LHX9: variants seen among roughly 807,000 people sequenced by gnomAD.
The protein encoded by LHX9 is LIM/homeobox protein Lhx9.
Under a neutral mutation model 36.5 loss-of-function variants are expected in LHX9, and 9 were observed. The ratio of observed to expected loss-of-function variants is 0.25; its 90% confidence interval spans 0.15 to 0.43. The LOEUF (loss-of-function observed/expected upper bound fraction) is 0.43. LHX9 is among the 20% of genes least tolerant of loss of function. The probability of loss-of-function intolerance (pLI) is 1.00; values close to 1 mark genes in which losing one functional copy is unlikely to be tolerated. For missense variants in LHX9, 464 were observed against 526.4 expected (o/e 0.88, Z 1.16); for synonymous variants, 211 against 212.1 (o/e 0.99, Z 0.04).
intron 1 of LHX9, chr1:197,918,626 A>G (rs1439129563): frequency 5.7e-6 from 3 of 527,524 alleles, no homozygotes; most frequent in Non-Finnish European, 1.0e-5. Flanking sequence ...GAAATCAAAT[A>G]AAACATACGG....
chr1:197,917,328 T>G (rs1216381691), upstream of LHX9: 32 of 1,259,078 alleles, frequency 2.5e-5, no homozygotes, highest in Non-Finnish European at 3.3e-5. Context: ...AAAAATGGGC[T>G]GGCTTTAGTC....
In LHX9 at chr1:197,921,746, C is replaced by A; in HGVS notation, c.733+87C>A. 1 of 1,159,728 alleles carries A rather than the reference C, an allele frequency of 8.6e-7. No individual in the cohort carries two copies. Among genetic ancestry groups the A allele is most frequent in the Non-Finnish European group, 1.2e-6 (1 of 840,462 alleles). The allele number at this position is 1,159,728 out of a possible 1,614,324, so 71.8% of individuals were successfully genotyped here. On this transcript the variant is annotated intron_variant, in intron 3 of 4. Transcript: ENST00000367387. This position sits in a 1 kb window ranked among gnomAD's most constrained non-coding sequence, Gnocchi z 4.6. ...TCCTTCCCCGTCCAAAGTCTTGCTG[C>A]AAGAGTGTGTTTTGCCCAATGCCTC...
chr1:197,928,193 C>A (rs1557977093), intron 4 of LHX9, among the ~76,000 whole-genome samples: 1 of 152,216 alleles, frequency 6.6e-6, no homozygotes, highest in Non-Finnish European at 1.5e-5. Context: ...TTGGCAGCCT[C>A]ACTCACCTTC....
At chr1:197,914,446 G>C (rs1463922287), upstream of LHX9, among the ~76,000 whole-genome samples, 2 of 152,132 alleles carry the variant, frequency 1.3e-5, no homozygotes, top group Non-Finnish European at 2.9e-5. Context: ...CCCTCTGCTG[G>C]AGAGGTGAAA....
chr1:197,921,044 T>A lies in LHX9; in HGVS notation c.378-260T>A, dbSNP rs180964231. Among the ~76,000 whole-genome samples the A allele has an allele frequency of 4.6e-5, 7 of 152,290 alleles. No individual in the cohort carries two copies. Among genetic ancestry groups the A allele is most frequent in the East Asian group, 1.9e-4 (1 of 5,180 alleles). On this transcript the variant is annotated intron_variant, in intron 2 of 4. Coordinates refer to ENST00000367387, the MANE Select transcript of LHX9 (RefSeq NM_020204.3). The surrounding 1 kb of genome is among the most constrained non-coding windows in gnomAD (Gnocchi z 4.6). ...GTGGTTTGCTTTTTTAAATTTTTTTTAATGTTTTAAATTTTCACTTTGCAG... is the reference window on the plus strand; with the variant it reads ...GTGGTTTGCTTTTTTAAATTTTTTTAAATGTTTTAAATTTTCACTTTGCAG...
At chr1:197,926,424 C>T (rs1435913636) in intron 3 of LHX9, among the ~76,000 whole-genome samples, 1 of 152,100 alleles carries the variant, frequency 6.6e-6, no homozygotes, top group Non-Finnish European at 1.5e-5. Flanking sequence ...AATTACCATG[C>T]TCTTTAATTT....
rs1659932291 is a variant in LHX9, at chr1:197,920,160, G to A, written c.363G>A (p.Lys121=). 14 of 1,614,220 alleles carry A rather than the reference G, an allele frequency of 8.7e-6. No homozygotes were observed. In the East Asian group the frequency reaches 3.1e-4, roughly 36 times the overall value. ...CCAAGGACGGTAGCATTTACTGCAA[G>A]GAGGATTACTACAGGTACTCCCCTA... ...CFAKDGSIYC[K]EDYYRRFSVQ... is the part of the protein sequence containing the mutation. The change falls in exon 2 of 5, where the codon AAG becomes AAA. Residue 121 remains lysine, a synonymous_variant. Transcript: ENST00000367387.
At position 197,917,821 on chromosome 1, in the gene LHX9, T is replaced by C. The variant is rs769852510; in HGVS notation, c.-3T>C. 1.4e-5 allele frequency: 23 copies of C among 1,613,944 alleles called. No homozygotes were observed. The highest frequency in any genetic ancestry group is 8.0e-5 in the African/African-American group (6 of 74,912). ...ATGAGCTGAAAGCCCCGGGCGTGTG[T>C]ATATGGAAATAGTGGGGTGCCGAGC... On this transcript the variant is annotated 5_prime_UTR_variant, in exon 1 of 5. Transcript: ENST00000367387.
At chr1:197,923,834 C>T (rs994484903) in intron 3 of LHX9, among the ~76,000 whole-genome samples, 2 of 152,082 alleles carry the variant, frequency 1.3e-5, no homozygotes, top group Non-Finnish European at 2.9e-5. Flanking sequence ...CAGATTAATG[C>T]TGCTACAAGT....
intron 1 of LHX9, chr1:197,918,294 G>C: frequency 1.4e-6 from 1 of 717,528 alleles, no homozygotes; most frequent in Non-Finnish European, 2.6e-6. Flanking sequence ...CAGACCTCAA[G>C]GTTCCCTTGA....
chr1:197,933,189 TATG>T lies in LHX9; in HGVS notation c.*3935_*3937del, dbSNP rs954697652. ...ATATACTTTCCAGAAAATTTTTCAT[TATG>T]ATGAAATTTTTATTATATACAAATG... On this transcript the variant is annotated 3_prime_UTR_variant, in exon 5 of 5. Transcript: ENST00000367387. The T allele has an allele frequency of 6.6e-6, 1 of 152,124 alleles. No individual in the cohort carries two copies. The highest frequency in any genetic ancestry group is 2.4e-5 in the African/African-American group (1 of 41,448). The allele number at this position is 152,124 out of a possible 1,614,324, so 9.4% of individuals were successfully genotyped here. A position where few individuals can be genotyped will look rare whatever the true frequency, so the allele number is the denominator to read the frequency against.
At position 197,929,345 on chromosome 1, in the gene LHX9, T is replaced by A. The variant is rs1660259169; in HGVS notation, c.*86T>A. On this transcript the variant is annotated 3_prime_UTR_variant, in exon 5 of 5. Transcript: ENST00000367387. ...ATTATTATTTTATTATTTACAAGAC[T>A]TTTTTTTTCTTCTAACCCACAAGAT... is the stretch of plus-strand genomic sequence containing the variant. 1 of 1,155,544 alleles carries A rather than the reference T, an allele frequency of 8.7e-7. No individual in the cohort carries two copies. The highest frequency in any genetic ancestry group is 1.1e-6 in the Non-Finnish European group (1 of 931,030). 71.6% of individuals were successfully genotyped at this position (1,155,544 alleles called of 1,614,324 possible).
intron 3 of LHX9, among the ~76,000 whole-genome samples, chr1:197,923,756 T>A (rs113221369): frequency 0.017 from 2,517 of 152,290 alleles, 31 homozygotes; most frequent in Middle Eastern, 0.037. Flanking sequence ...TGAAAATAAC[T>A]AGAGAGTACA....
At chr1:197,918,396 C>G (rs1289500799) in intron 1 of LHX9, 12 of 717,082 alleles carry the variant, frequency 1.7e-5, no homozygotes. Context: ...CCGAGGCGTC[C>G]GAGCCAAGCA....
At chr1:197,914,099 G>A (rs984555353), upstream of LHX9, among the ~76,000 whole-genome samples, 2 of 152,118 alleles carry the variant, frequency 1.3e-5, no homozygotes, top group Non-Finnish European at 2.9e-5. Context: ...ACTATAGTCC[G>A]GCCGTCCACT....
Position 197,917,577 on chromosome 1 carries a change from G to C in LHX9, c.-247G>C. The C allele has an allele frequency of 1.3e-6, 2 of 1,491,360 alleles. No homozygotes were observed. The highest frequency in any genetic ancestry group is 1.8e-6 in the Non-Finnish European group (2 of 1,113,266). The allele number at this position is 1,491,360 out of a possible 1,614,324, so 92.4% of individuals were successfully genotyped here. Reference sequence around the variant, plus strand: ...GCCTTCTACGCCTCTTTTTCCCTCCGCCCGAATTGTTTGTTTTCTGCACAT... The same window carrying C: ...GCCTTCTACGCCTCTTTTTCCCTCCCCCCGAATTGTTTGTTTTCTGCACAT... On this transcript the variant is annotated 5_prime_UTR_variant, in exon 1 of 5. Coordinates refer to ENST00000367387, the MANE Select transcript of LHX9 (RefSeq NM_020204.3).
chr1:197,919,999 C>G lies in LHX9; in HGVS notation c.202C>G (p.Pro68Ala). The G allele has an allele frequency of 6.2e-7, 1 of 1,614,200 alleles. No individual in the cohort carries two copies. The highest frequency in any genetic ancestry group is 8.5e-7 in the Non-Finnish European group (1 of 1,180,050). Residue 68 changes from proline to alanine, a missense_variant, in exon 2 of 5, where the codon CCC becomes GCC. Physicochemically the swap from Pro to Ala is conservative, Grantham distance 27. Transcript: ENST00000367387. Reference protein sequence around the residue: ...AGMPPLSPEKPALCAGCGGKI... With the variant: ...AGMPPLSPEKAALCAGCGGKI... ...CATGCCCCCGCTCAGCCCGGAGAAG[C>G]CCGCCCTGTGCGCCGGCTGCGGGGG...
At position 197,929,607 on chromosome 1, in the gene LHX9, GTAT is replaced by G. The variant is rs1327614553; in HGVS notation, c.*355_*357del. ...CTCGAAGAAAAAAGAAAAAAGAGTG[GTAT>G]TATTATGGGCAAATAATCATATTCC... On this transcript the variant is annotated 3_prime_UTR_variant, in exon 5 of 5. Coordinates refer to ENST00000367387, the MANE Select transcript of LHX9 (RefSeq NM_020204.3). The G allele has an allele frequency of 2.2e-6, 2 of 921,066 alleles. No individual in the cohort carries two copies. The highest frequency in any genetic ancestry group is 2.6e-6 in the Non-Finnish European group (2 of 771,362). The allele number at this position is 921,066 out of a possible 1,614,324, so 57.1% of individuals were successfully genotyped here.
intron 1 of LHX9, among the ~76,000 whole-genome samples, chr1:197,919,315 G>T (rs1437068639): frequency 6.6e-6 from 1 of 152,046 alleles, no homozygotes; most frequent in Admixed American, 6.5e-5. Flanking sequence ...GGAAAGAGGG[G>T]ACTGTATACA....
Sources: allele counts gnomAD v4.1 joint callset (sites outside exome capture counted in the v4.1 genomes callset), GRCh38; gene constraint gnomAD v4.1.1; non-coding constraint Gnocchi (gnomAD v3.1); transcripts MANE v1.5; gene names NCBI Gene and HGNC (gene_info 2026-07-23, HGNC 2026-07-21).